MCM3AP: variants seen among roughly 807,000 people sequenced by gnomAD.
MCM3AP encodes germinal-center associated nuclear protein.
MCM3AP carries 126 observed loss-of-function variants against 184.1 expected under a neutral mutation model. That is an observed-to-expected ratio of 0.68 (90% confidence interval 0.59 to 0.79). The LOEUF is 0.79. Ranked by LOEUF, MCM3AP falls within the 30% of genes least tolerant of loss-of-function variation. The pLI, the probability that MCM3AP is intolerant of heterozygous loss-of-function variation, is 0.00. For missense variants in MCM3AP, 2,496 were observed against 2,479.2 expected, an observed-to-expected ratio of 1.01 and a Z score of -0.14; for synonymous variants, 1,002 against 979.3, an observed-to-expected ratio of 1.02 and a Z score of -0.43.
rs2080923292 is a variant in MCM3AP at position 46,254,775 on chromosome 21, C to T, written c.4001+1G>A. ...GCGCAGAAGGGTGCAGCATGACAGACCTCAGCAGCTGCTGGTAGAAGTGCT... is the reference window on the plus strand; with the variant it reads ...GCGCAGAAGGGTGCAGCATGACAGATCTCAGCAGCTGCTGGTAGAAGTGCT... On this transcript the variant is annotated splice_donor_variant, in intron 18 of 27. Coordinates refer to ENST00000291688, the MANE Select transcript of MCM3AP (RefSeq NM_003906.5). LOFTEE classifies it high-confidence loss of function. 1 of 1,613,150 alleles carries T rather than the reference C, an allele frequency of 6.2e-7. No homozygotes were observed. The highest frequency in any genetic ancestry group is 1.3e-5 in the African/African-American group (1 of 74,894).
intron 13 of MCM3AP, among the ~76,000 whole-genome samples, chr21:46,262,633 G>A (rs947028230): frequency 6.6e-6 from 1 of 151,516 alleles, no homozygotes; most frequent in Non-Finnish European, 1.5e-5. Context: ...AGGTGACAAA[G>A]TAAGACCCTG....
At chr21:46,281,452 A>G (rs1373811690) in intron 2 of MCM3AP, among the ~76,000 whole-genome samples, 4 of 152,238 alleles carry the variant, frequency 2.6e-5, no homozygotes, top group Non-Finnish European at 5.9e-5. Flanking sequence ...GTCTATTTAC[A>G]TATTAGTTAT....
Position 46,275,205 on chromosome 21 carries a change from A to G in MCM3AP, c.1979T>C (p.Val660Ala). The G allele has an allele frequency of 6.2e-7, 1 of 1,613,926 alleles. No individual in the cohort carries two copies. Among genetic ancestry groups the G allele is most frequent in the Non-Finnish European group, 8.5e-7 (1 of 1,179,916 alleles). The change falls in exon 6 of 28, where the codon GTG (valine) becomes GCG (alanine). Residue 660 changes from valine to alanine, a missense_variant. Around this residue, in one of 5 missense-constraint regions of MCM3AP, gnomAD observed 130 missense variants for 199.8 expected, o/e 0.65. Transcript: ENST00000291688. ...ETRSQLSVFE[V>A]VPGTDQVDHA... ...CTCTACCTGGTCAGTCCCTGGGACC[A>G]CTTCGAACACGCTCAGCTGGCTACG...
At chr21:46,244,687 G>T in intron 23 of MCM3AP, 120 bp downstream of exon 23, 1 of 1,053,684 alleles carries the variant, frequency 9.5e-7, no homozygotes, top group East Asian at 2.5e-5. Flanking sequence ...GAGACACACG[G>T]AGGTGGACGT....
intron 13 of MCM3AP, among the ~76,000 whole-genome samples, chr21:46,261,657 T>C (rs2081043081): frequency 6.8e-6 from 1 of 146,732 alleles, no homozygotes; most frequent in South Asian, 2.1e-4. Flanking sequence ...TGCTCGGACC[T>C]GGGAGCGGGA....
At chr21:46,257,507 A>G (rs2080974757) in intron 16 of MCM3AP, among the ~76,000 whole-genome samples, 1 of 150,524 alleles carries the variant, frequency 6.6e-6, no homozygotes, top group South Asian at 2.1e-4. Flanking sequence ...AAAGATACAT[A>G]TATCCCTTGA....
chr21:46,275,182 C>CT lies in MCM3AP; in HGVS notation c.1998+3dup. 6.2e-7 allele frequency: 1 copy of CT among 1,612,398 alleles called. No individual in the cohort carries two copies. On this transcript the variant is annotated splice_donor_region_variant and intron_variant, in intron 6 of 27. Coordinates refer to ENST00000291688, the MANE Select transcript of MCM3AP (RefSeq NM_003906.5). ...ACACTCCACGGGGAGATGCAGGGCT[C>CT]TACCTGGTCAGTCCCTGGGACCACT...
chr21:46,272,800 G>A lies in MCM3AP; in HGVS notation c.2226C>T (p.Pro742=), dbSNP rs1414469153. 1.2e-6 allele frequency: 2 copies of A among 1,606,954 alleles called. No individual in the cohort carries two copies. Among genetic ancestry groups the A allele is most frequent in the East Asian group, 2.2e-5 (1 of 44,796 alleles). Residue 742 remains proline (P), a synonymous_variant, in exon 8 of 28, where the codon CCC becomes CCT. Coordinates refer to ENST00000291688, the MANE Select transcript of MCM3AP (RefSeq NM_003906.5). ...KDITQQHLCD[P]LTVSLIEKCT... ...ACTTCTCAATCAGGGACACCGTCAG[G>A]GGGTCACAGAGGTGCTGCTGCGTGA...
chr21:46,278,989 G>GAAA (rs574954242), intron 4 of MCM3AP, among the ~76,000 whole-genome samples: 2 of 122,782 alleles, frequency 1.6e-5, no homozygotes, highest in Non-Finnish European at 1.7e-5. Flanking sequence ...AGCTCTTCAG[G>GAAA]AAAAAAAAAA....
In MCM3AP at chr21:46,256,898, G is replaced by A. The variant is rs866233507; in HGVS notation, c.3823C>T (p.Arg1275Trp). ...GCGCTGGGCGCCAGCGCCCTCAGCC[G>A]GTCGCTCACGTCCACGCAGCAGGGC... ...AAPCCVDVSD[R>W]LRALAPSAEC... Residue 1275 changes from arginine (R) to tryptophan (W), a missense_variant, in exon 17 of 28, where the codon CGG becomes TGG. Physicochemically the swap from Arg to Trp is moderately radical, Grantham distance 101. Coordinates refer to ENST00000291688, the MANE Select transcript of MCM3AP (RefSeq NM_003906.5). 14 of 1,606,944 alleles carry A rather than the reference G, an allele frequency of 8.7e-6. No individual in the cohort carries two copies. Among genetic ancestry groups the A allele is most frequent in the African/African-American group, 2.7e-5 (2 of 74,784 alleles).
At chr21:46,240,033 A>G (rs1208733341) in intron 26 of MCM3AP, among the ~76,000 whole-genome samples, 2 of 152,190 alleles carry the variant, frequency 1.3e-5, no homozygotes, top group Admixed American at 6.5e-5. Context: ...AGTGGTGGCT[A>G]AAGAGGGAAG....
At chr21:46,273,308 A>G (rs561968365) in intron 7 of MCM3AP, 80 bp downstream of exon 7, 8 of 1,314,630 alleles carry the variant, frequency 6.1e-6, no homozygotes, top group African/African-American at 5.8e-5. Context: ...GATAAAATAT[A>G]TAACAGAGTA....
At chr21:46,264,243 A>T in intron 12 of MCM3AP, 26 bp from the exon 13 acceptor site, 1 of 1,455,238 alleles carries the variant, frequency 6.9e-7, no homozygotes, top group Non-Finnish European at 9.6e-7. Context: ...CATGGGGTGT[A>T]ATGGAACGTC....
intron 6 of MCM3AP, among the ~76,000 whole-genome samples, chr21:46,274,926 G>A (rs1370475702): frequency 1.2e-4 from 14 of 118,458 alleles, no homozygotes; most frequent in Non-Finnish European, 1.2e-4. Flanking sequence ...GTGACAGAGT[G>A]AGACCCTGTC....
intron 27 of MCM3AP, among the ~76,000 whole-genome samples, chr21:46,235,800 G>A (rs1331349613): frequency 6.6e-6 from 1 of 152,124 alleles, no homozygotes; most frequent in Non-Finnish European, 1.5e-5. Context: ...ACCATGCCTG[G>A]CTAATTATGT....
At position 46,285,491 on chromosome 21, in the gene MCM3AP, A is replaced by T. The variant is rs2081403570; in HGVS notation, c.-205T>A. 1.8e-6 allele frequency: 1 copy of T among 567,476 alleles called. No homozygotes were observed. The highest frequency in any genetic ancestry group is 2.3e-5 in the South Asian group (1 of 43,812). 35.2% of individuals were successfully genotyped at this position (567,476 alleles called of 1,614,324 possible). A position where few individuals can be genotyped will look rare whatever the true frequency, so the allele number is the denominator to read the frequency against. On this transcript the variant is annotated 5_prime_UTR_variant, in exon 1 of 28. Transcript: ENST00000291688. ...GTCATACTAAAAGGATAACTATTTCAAAGGCAGGCAAAGGGTTATTATTTT... is the reference window on the plus strand; with the variant it reads ...GTCATACTAAAAGGATAACTATTTCTAAGGCAGGCAAAGGGTTATTATTTT...
At chr21:46,280,274 T>G in intron 3 of MCM3AP, 137 bp from the exon 4 acceptor site, 9 of 1,046,106 alleles carry the variant, frequency 8.6e-6, no homozygotes, top group Non-Finnish European at 1.3e-5. Flanking sequence ...GAAATAACTG[T>G]GAGATGCAAA....
At chr21:46,261,240 C>A (rs765964737) in intron 14 of MCM3AP, 40 bp downstream of exon 14, 3 of 1,611,142 alleles carry the variant, frequency 1.9e-6, no homozygotes, top group Non-Finnish European at 2.5e-6. Context: ...TGTGTCCACA[C>A]TGAGCTCCTT....
chr21:46,283,586 G>C, intron 2 of MCM3AP, 29 bp downstream of exon 2: 1 of 1,503,512 alleles, frequency 6.7e-7, no homozygotes, highest in Non-Finnish European at 9.3e-7. Context: ...CAAATCTAGG[G>C]TAACAAATGG....
Sources: allele counts gnomAD v4.1 joint callset (sites outside exome capture counted in the v4.1 genomes callset), GRCh38; gene constraint gnomAD v4.1.1; regional missense constraint gnomAD v4.1.1; transcripts MANE v1.5; gene names NCBI Gene and HGNC (gene_info 2026-07-23, HGNC 2026-07-21).